Variants in NOMO2 observed in about 807,000 individuals in gnomAD.
NOMO2 encodes BOS complex subunit NOMO2.
NOMO2 carries 14 observed loss-of-function variants against 67.1 expected under a neutral mutation model. The ratio of observed to expected loss-of-function variants is 0.21; its 90% confidence interval spans 0.14 to 0.33. NOMO2 has a LOEUF of 0.33. NOMO2 is among the 10% of genes least tolerant of loss of function. The pLI is 1.00. For synonymous variants in NOMO2, 80 were observed against 305.9 expected (o/e 0.26, Z 7.71); for missense variants, 178 against 761.0 (o/e 0.23, Z 9.01).
intron 2 of NOMO2, among the ~76,000 whole-genome samples, chr16:18,556,996 A>T (rs1901920762): frequency 1.3e-5 from 2 of 152,004 alleles, no homozygotes; most frequent in South Asian, 4.2e-4. Context: ...GTGTAGTGGC[A>T]GGTGCCTGTA....
At chr16:18,543,164 A>C (rs904998044) in intron 7 of NOMO2, among the ~76,000 whole-genome samples, 2 of 142,142 alleles carry the variant, frequency 1.4e-5, no homozygotes, top group African/African-American at 5.1e-5. Flanking sequence ...GTCAACAGAG[A>C]CACATGATAT....
intron 15 of NOMO2, among the ~76,000 whole-genome samples, chr16:18,528,990 T>C (rs1269133754): frequency 6.2e-5 from 1 of 16,030 alleles, no homozygotes; most frequent in Admixed American, 1.1e-3. Flanking sequence ...AAAAAAAAAA[T>C]ACATATATAT....
At position 18,531,473 on chromosome 16, in the gene NOMO2, A is replaced by G. The variant is rs759491915; in HGVS notation, c.1530T>C (p.Ser510=). 6.2e-7 allele frequency: 1 copy of G among 1,612,696 alleles called. No individual in the cohort carries two copies. The highest frequency in any genetic ancestry group is 8.5e-7 in the Non-Finnish European group (1 of 1,179,586). The change falls in exon 13 of 31, where the codon TCT becomes TCC. Residue 510 remains serine, a synonymous_variant. Coordinates refer to ENST00000622306, the MANE Select transcript of NOMO2 (RefSeq NM_173614.4). ...TTTCCAGTGATATCTTACCCAAACAAGAGACTTTCCCAGAAACTGATGCCA... is the reference window on the plus strand; with the variant it reads ...TTTCCAGTGATATCTTACCCAAACAGGAGACTTTCCCAGAAACTGATGCCA... ...QFLASVSGKV[S]CLDTCGDLLV...
chr16:18,561,940 T>G lies in NOMO2; in HGVS notation c.101A>C (p.Asp34Ala). 6.3e-7 allele frequency: 1 copy of G among 1,577,874 alleles called. No individual in the cohort carries two copies. Among genetic ancestry groups the G allele is most frequent in the Non-Finnish European group, 8.6e-7 (1 of 1,164,012 alleles). Residue 34 changes from aspartate to alanine, a missense_variant, in exon 1 of 31, where the codon GAC (aspartate) becomes GCC (alanine). Asp to Ala is a moderately radical substitution (Grantham distance 126). Coordinates refer to ENST00000622306, the MANE Select transcript of NOMO2 (RefSeq NM_173614.4). ...GAAGCCACCGCAGCCCACCACGATG[T>G]CCTCCGAGCCGTGCGCCGGCCCCAC... ...SGVGPAHGSE[D>A]IVVGCGGFVK...
chr16:18,538,220 C>T (rs1172625844), intron 11 of NOMO2, among the ~76,000 whole-genome samples: 1 of 147,962 alleles, frequency 6.8e-6, no homozygotes, highest in East Asian at 2.0e-4. Flanking sequence ...AACCCTGTCT[C>T]TACTAAAAAA....
intron 1 of NOMO2, chr16:18,558,913 T>G (rs1055348827): frequency 1.8e-5 from 8 of 453,336 alleles, no homozygotes; most frequent in South Asian, 3.1e-5. Context: ...GGCTCATGCC[T>G]GTAATCCCAG....
chr16:18,555,285 T>C (rs887088438), intron 2 of NOMO2, among the ~76,000 whole-genome samples: 6 of 151,478 alleles, frequency 4.0e-5, no homozygotes, highest in Non-Finnish European at 7.4e-5. Context: ...ATCCCAACAC[T>C]GTGGGAGGCC....
chr16:18,526,926 G>T (rs1901159110), intron 16 of NOMO2, among the ~76,000 whole-genome samples: 2 of 151,820 alleles, frequency 1.3e-5, no homozygotes, highest in African/African-American at 4.8e-5. Context: ...CATTATAAAA[G>T]AGAGAGAAGG....
chr16:18,534,268 A>C (rs1271693788), intron 11 of NOMO2, among the ~76,000 whole-genome samples: 4 of 151,822 alleles, frequency 2.6e-5, no homozygotes, highest in African/African-American at 9.7e-5. Flanking sequence ...CTACCACCCA[A>C]GGACCCCCCT....
At chr16:18,530,117 CA>C (rs1376927430) in intron 14 of NOMO2, among the ~76,000 whole-genome samples, 1 of 94,372 alleles carries the variant, frequency 1.1e-5, no homozygotes, top group Non-Finnish European at 2.3e-5. Context: ...GGCTAAATTT[CA>C]AAAAAAAAGA....
Position 18,529,580 on chromosome 16 carries a change from A to G in NOMO2, c.1727T>C (p.Leu576Pro). The G allele has an allele frequency of 6.2e-7, 1 of 1,607,008 alleles. No homozygotes were observed. Among genetic ancestry groups the G allele is most frequent in the Middle Eastern group, 2.3e-4 (1 of 4,418 alleles). The change falls in exon 15 of 31, where the codon CTG becomes CCG. Residue 576 changes from leucine (L) to proline (P), a missense_variant. Physicochemically the swap from Leu to Pro is moderately conservative, Grantham distance 98. Coordinates refer to ENST00000622306, the MANE Select transcript of NOMO2 (RefSeq NM_173614.4). Reference sequence around the variant, plus strand: ...CTCAACTGCAGACACGTCATCCTCCAGCACTTCCACCTCCAGGCTCTTGTT... The same window carrying G: ...CTCAACTGCAGACACGTCATCCTCCGGCACTTCCACCTCCAGGCTCTTGTT... ...WKNKSLEVEV[L>P]EDDVSAVEFR...
intron 2 of NOMO2, among the ~76,000 whole-genome samples, chr16:18,556,918 G>A (rs1410293402): frequency 6.6e-6 from 1 of 152,020 alleles, no homozygotes; most frequent in Non-Finnish European, 1.5e-5. Context: ...TTGAGGTCAG[G>A]AGTTCGAGAC....
intron 1 of NOMO2, among the ~76,000 whole-genome samples, chr16:18,561,195 A>AC (rs1411856643): frequency 0.065 from 6,505 of 100,294 alleles, 341 homozygotes; most frequent in Middle Eastern, 0.1. Flanking sequence ...AAAAAAAAAA[A>AC]AAAAAAAAAA....
intron 3 of NOMO2, among the ~76,000 whole-genome samples, chr16:18,554,191 G>A (rs565828991): frequency 1.3e-3 from 200 of 152,108 alleles, no homozygotes; most frequent in African/African-American, 4.7e-3. Flanking sequence ...TGAATACTGA[G>A]TACTTGCTAA....
intron 3 of NOMO2, among the ~76,000 whole-genome samples, chr16:18,553,245 C>T (rs1398305104): frequency 6.6e-6 from 1 of 151,398 alleles, no homozygotes; most frequent in Non-Finnish European, 1.5e-5. Context: ...GCCTGGGCAA[C>T]AGAGCGAGAC....
In NOMO2 at chr16:18,550,813, G is replaced by C. The variant is rs1901767321; in HGVS notation, c.402+626C>G. Among the ~76,000 whole-genome samples the C allele has an allele frequency of 3.3e-5, 5 of 152,064 alleles. No homozygotes were observed. The South Asian group carries it at 1.0e-3, about 32-fold the overall frequency. The stretch of plus-strand genomic sequence containing the variant: ...GGACAGCAAGATGCCACAAGGCTTA[G>C]AGAGTGCGTCCTTCCAATTCGGCAT... On this transcript the variant is annotated intron_variant, in intron 4 of 30. Transcript: ENST00000622306.
At chr16:18,535,783 C>A (rs1276737673) in intron 11 of NOMO2, among the ~76,000 whole-genome samples, 1 of 151,998 alleles carries the variant, frequency 6.6e-6, no homozygotes, top group African/African-American at 2.4e-5. Flanking sequence ...CCCTATCACT[C>A]CCTTGCCAAC....
intron 7 of NOMO2, 56 bp downstream of exon 7, chr16:18,543,561 T>C (rs1414050508): frequency 6.2e-7 from 1 of 1,609,766 alleles, no homozygotes; most frequent in East Asian, 2.2e-5. Context: ...TTCTGGTCTA[T>C]AATCCCCCAC....
intron 11 of NOMO2, among the ~76,000 whole-genome samples, chr16:18,535,261 G>A (rs1188218227): frequency 6.6e-6 from 1 of 150,600 alleles, no homozygotes; most frequent in African/African-American, 2.4e-5. Flanking sequence ...AGGCTGCAGT[G>A]AGCCGAGATG....
Sources: allele counts gnomAD v4.1 joint callset (sites outside exome capture counted in the v4.1 genomes callset), GRCh38; gene constraint gnomAD v4.1.1; transcripts MANE v1.5; gene names NCBI Gene and HGNC (gene_info 2026-07-23, HGNC 2026-07-21).